Variants in NLRC5 observed in about 807,000 individuals in gnomAD.
NLRC5 encodes protein NLRC5.
Under a neutral mutation model 206.9 loss-of-function variants are expected in NLRC5, and 114 were observed. That is an observed-to-expected ratio of 0.55 (90% CI 0.47 to 0.64). NLRC5 has a LOEUF of 0.64. Among genes scored for constraint, NLRC5 ranks in the 30% least tolerant of loss-of-function variants. NLRC5 has a pLI of 0.00. For synonymous variants in NLRC5, 952 were observed against 962.8 expected (o/e 0.99, Z 0.21); for missense variants, 2,008 against 2,305.5 (o/e 0.87, Z 2.64).
In NLRC5 at chr16:57,034,247, G is replaced by C; in HGVS notation, c.2623G>C (p.Val875Leu). The change falls in exon 13 of 49, where the codon GTG becomes CTG. Residue 875 changes from valine to leucine, a missense_variant. By Grantham distance (32) the Val-to-Leu change is conservative (BLOSUM62 1). Transcript: ENST00000688547. ...LLQEGPHLEE[V>L]DLSGNQLEDE... ...CCAGGAAGGCCCTCACCTGGAGGAAGTGGAGTGAGTATCACGGGAAGCCCT... is the reference window on the plus strand; with the variant it reads ...CCAGGAAGGCCCTCACCTGGAGGAACTGGAGTGAGTATCACGGGAAGCCCT... 6.2e-7 allele frequency: 1 copy of C among 1,613,578 alleles called. No homozygotes were observed. The highest frequency in any genetic ancestry group is 8.5e-7 in the Non-Finnish European group (1 of 1,179,614).
chr16:57,015,276 C>T lies in NLRC5; in HGVS notation c.-127-1798C>T, dbSNP rs117235967. On this transcript the variant is annotated intron_variant, in intron 1 of 48. Coordinates refer to ENST00000688547, the MANE Select transcript of NLRC5 (RefSeq NM_001384950.1). ...AGTAATCCCATCATAAGGGGTCCAC[C>T]CTCTTGACCTAATCACTTCGCAAAG... Among the ~76,000 whole-genome samples the T allele has an allele frequency of 1.0e-3, 152 of 152,264 alleles. No homozygotes were observed. The East Asian group carries it at 0.027, about 27-fold the overall frequency.
In NLRC5 at chr16:57,047,534, C is replaced by T; in HGVS notation, c.3339-11C>T. The T allele has an allele frequency of 1.2e-6, 2 of 1,609,808 alleles. No individual in the cohort carries two copies. The highest frequency in any genetic ancestry group is 4.5e-5 in the East Asian group (2 of 44,816). ...CTCTGATTCCCTGCCCTGCCCATTGCCCCTTTGCAGCCTCAGTGAGTGTCC... is the reference window on the plus strand; with the variant it reads ...CTCTGATTCCCTGCCCTGCCCATTGTCCCTTTGCAGCCTCAGTGAGTGTCC... On this transcript the variant is annotated splice_polypyrimidine_tract_variant and intron_variant, in intron 22 of 48. Transcript: ENST00000688547.
At chr16:57,063,795 G>T (rs1335582062) in intron 32 of NLRC5, among the ~76,000 whole-genome samples, 1 of 151,994 alleles carries the variant, frequency 6.6e-6, no homozygotes, top group Non-Finnish European at 1.5e-5. Context: ...TTGGAGTGCA[G>T]TGGTGCGATC....
At chr16:56,993,893 C>A (rs920380956) in intron 1 of NLRC5, among the ~76,000 whole-genome samples, 1 of 148,676 alleles carries the variant, frequency 6.7e-6, no homozygotes, top group Non-Finnish European at 1.5e-5. Flanking sequence ...GAACCATATG[C>A]GTCATTGTTA....
rs368777281 is a variant in NLRC5 at position 57,033,712 on chromosome 16, T to G, written c.2543+43T>G. On this transcript the variant is annotated intron_variant, in intron 12 of 48. Transcript: ENST00000688547. ...ATTGCCTTAGGAGAGGGATATGATA[T>G]GGGGGAAAGTCCGAGGCAAGGGAGA... 2.5e-5 allele frequency: 40 copies of G among 1,576,564 alleles called. No homozygotes were observed. In the African/African-American group the frequency reaches 4.9e-4, roughly 19 times the overall value.
chr16:57,070,152 C>T (rs2067472837), intron 37 of NLRC5, among the ~76,000 whole-genome samples: 2 of 152,138 alleles, frequency 1.3e-5, no homozygotes, highest in Non-Finnish European at 2.9e-5. Flanking sequence ...CCACTCTGGG[C>T]TTTGATTGCC....
intron 12 of NLRC5, 115 bp downstream of exon 12, chr16:57,033,784 A>T: frequency 9.9e-7 from 1 of 1,007,512 alleles, no homozygotes. Context: ...GGACAGGGAA[A>T]GGATTAGCCG....
Position 57,034,263 on chromosome 16 carries a change from G to A in NLRC5, c.2627+12G>A, listed in dbSNP as rs371843575. ...CTGGAGGAAGTGGAGTGAGTATCACGGGAAGCCCTGGCGTAGGAGCCAGGA... is the reference window on the plus strand; with the variant it reads ...CTGGAGGAAGTGGAGTGAGTATCACAGGAAGCCCTGGCGTAGGAGCCAGGA... On this transcript the variant is annotated intron_variant, in intron 13 of 48. Transcript: ENST00000688547. 9.9e-6 allele frequency: 16 copies of A among 1,611,804 alleles called. No individual in the cohort carries two copies. The highest frequency in any genetic ancestry group is 1.7e-4 in the Middle Eastern group (1 of 6,054).
chr16:57,026,322 TGGG>T lies in NLRC5; in HGVS notation c.1382_1384del (p.Gly461del). 1 of 1,613,960 alleles carries T rather than the reference TGGG, an allele frequency of 6.2e-7. No individual in the cohort carries two copies. The highest frequency in any genetic ancestry group is 8.5e-7 in the Non-Finnish European group (1 of 1,180,046). ...TTGCCCACCTCGTCCCTACTGGACCTGGGGGAGGTGGCCCTGAGGGGCCTGGAG... is the reference window on the plus strand; with the variant it reads ...TTGCCCACCTCGTCCCTACTGGACCTGGAGGTGGCCCTGAGGGGCCTGGAG... On this transcript the variant is annotated inframe_deletion, in exon 6 of 49. Coordinates refer to ENST00000688547, the MANE Select transcript of NLRC5 (RefSeq NM_001384950.1).
At chr16:57,034,388 T>C (rs2062256674) in intron 13 of NLRC5, 137 bp downstream of exon 13, 2 of 661,970 alleles carry the variant, frequency 3.0e-6, no homozygotes, top group African/African-American at 1.8e-5. Context: ...CAGATCATTG[T>C]AACAGCTGCT....
At position 57,079,094 on chromosome 16, in the gene NLRC5, C is replaced by T; in HGVS notation, c.5126C>T (p.Ala1709Val). The change falls in exon 44 of 49, where the codon GCC becomes GTC. Residue 1709 changes from alanine (A) to valine (V), a missense_variant. Ala to Val is a moderately conservative substitution (Grantham distance 64). Transcript: ENST00000688547. ...HLGPGGALSL[A>V]QALDGSPHLE... ...GGCCCAGGTGGGGCCCTGAGCCTGG[C>T]CCAGGCCCTGGATGGATCCCCCCAT... The T allele has an allele frequency of 6.2e-7, 1 of 1,614,190 alleles. No individual in the cohort carries two copies. The highest frequency in any genetic ancestry group is 8.5e-7 in the Non-Finnish European group (1 of 1,180,030).
At chr16:57,008,582 C>A (rs1235670895) in intron 1 of NLRC5, among the ~76,000 whole-genome samples, 2 of 152,256 alleles carry the variant, frequency 1.3e-5, no homozygotes, top group East Asian at 3.9e-4. Flanking sequence ...AGGACTTATT[C>A]TTTGTACAGT....
At chr16:57,044,894 A>T (rs2063742612) in intron 20 of NLRC5, among the ~76,000 whole-genome samples, 1 of 151,688 alleles carries the variant, frequency 6.6e-6, no homozygotes, top group Non-Finnish European at 1.5e-5. Context: ...TGGGCAACAG[A>T]GCAAGACTCT....
intron 23 of NLRC5, chr16:57,047,934 C>T (rs572963558): frequency 2.4e-6 from 1 of 412,958 alleles, no homozygotes; most frequent in African/African-American, 2.0e-5. Flanking sequence ...TGGAGCCTCA[C>T]CAGGGCACCC....
chr16:57,051,084 C>A (rs2064835653), intron 23 of NLRC5, among the ~76,000 whole-genome samples: 1 of 152,142 alleles, frequency 6.6e-6, no homozygotes, highest in African/African-American at 2.4e-5. Context: ...GTCCCAGACT[C>A]CTGACCTCAG....
At chr16:57,022,668 C>T (rs1027074104) in intron 4 of NLRC5, among the ~76,000 whole-genome samples, 1 of 152,220 alleles carries the variant, frequency 6.6e-6, no homozygotes, top group Non-Finnish European at 1.5e-5. Context: ...CTAACCACCC[C>T]CTCCCGACTT....
chr16:57,018,877 C>G (rs1472064556), intron 2 of NLRC5, among the ~76,000 whole-genome samples: 1 of 152,170 alleles, frequency 6.6e-6, no homozygotes, highest in East Asian at 1.9e-4. Flanking sequence ...GTTGGCCAAT[C>G]CCCAACTGTT....
chr16:57,000,628 T>C (rs1291885704), intron 1 of NLRC5, among the ~76,000 whole-genome samples: 1 of 152,154 alleles, frequency 6.6e-6, no homozygotes, highest in Non-Finnish European at 1.5e-5. Context: ...AATTTCCTCA[T>C]GTGTAAAGCA....
At chr16:57,056,230 A>G (rs1383107355) in intron 27 of NLRC5, among the ~76,000 whole-genome samples, 1 of 152,196 alleles carries the variant, frequency 6.6e-6, no homozygotes, top group Admixed American at 6.5e-5. Flanking sequence ...CAAAAATGCC[A>G]CACAATTTTC....
Sources: allele counts gnomAD v4.1 joint callset (sites outside exome capture counted in the v4.1 genomes callset), GRCh38; gene constraint gnomAD v4.1.1; transcripts MANE v1.5; gene names NCBI Gene and HGNC (gene_info 2026-07-23, HGNC 2026-07-21).